Variants in EFNA5 observed in about 807,000 individuals in gnomAD.
The protein encoded by EFNA5 is ephrin-A5.
In EFNA5, 5 loss-of-function variants were observed where a neutral mutation model predicts 22.9. The observed-to-expected ratio is 0.22, with a 90% confidence interval of 0.11 to 0.46. The LOEUF is 0.46. EFNA5 is among the 20% of genes least tolerant of loss of function. EFNA5 has a pLI of 0.99. For missense variants in EFNA5, 237 were observed against 293.3 expected (o/e 0.81, Z 1.40); for synonymous variants, 113 against 112.2 (o/e 1.01, Z -0.04).
At chr5:107,512,012 G>A (rs752699853) in intron 1 of EFNA5, among the ~76,000 whole-genome samples, 7 of 152,188 alleles carry the variant, frequency 4.6e-5, no homozygotes, top group African/African-American at 1.7e-4. Flanking sequence ...CCCAAAAGGT[G>A]CATTTTGAGA....
intron 1 of EFNA5, among the ~76,000 whole-genome samples, chr5:107,653,349 T>C (rs973785181): frequency 6.6e-6 from 1 of 152,142 alleles, no homozygotes; most frequent in Non-Finnish European, 1.5e-5. Context: ...GCTGGCTTTG[T>C]AGTCAGCTTC....
chr5:107,453,055 C>A (rs1749601848), intron 1 of EFNA5, among the ~76,000 whole-genome samples: 1 of 152,006 alleles, frequency 6.6e-6, no homozygotes, highest in Admixed American at 6.6e-5. Context: ...TCTATTTGAT[C>A]TTCTGGCTTC....
In EFNA5 at chr5:107,445,835, T is replaced by C. The variant is rs183225426; in HGVS notation, c.126-18326A>G. Among the ~76,000 whole-genome samples the C allele has an allele frequency of 1.1e-3, 174 of 152,380 alleles. 1 individual carries two copies. The highest frequency in any genetic ancestry group is 3.3e-3 in the African/African-American group (138 of 41,594). ...TGGCACCTGGCTTTTTCAGCACATA[T>C]GGTACATAAAGTTTGTTAATGTCTG... is the stretch of plus-strand genomic sequence containing the variant. On this transcript the variant is annotated intron_variant, in intron 1 of 4. Transcript: ENST00000333274.
intron 2 of EFNA5, among the ~76,000 whole-genome samples, chr5:107,418,778 T>C (rs1427008480): frequency 6.6e-6 from 1 of 152,220 alleles, no homozygotes; most frequent in East Asian, 1.9e-4. Flanking sequence ...AGGCTCCTTT[T>C]GCAAACTTTC....
chr5:107,402,198 T>C, intron 2 of EFNA5, among the ~76,000 whole-genome samples: 1 of 152,122 alleles, frequency 6.6e-6, no homozygotes. Flanking sequence ...ATGTCTGCAT[T>C]AAAACAACAT....
At chr5:107,526,409 AAC>A (rs1747696970) in intron 1 of EFNA5, among the ~76,000 whole-genome samples, 1 of 152,196 alleles carries the variant, frequency 6.6e-6, no homozygotes, top group African/African-American at 2.4e-5. Flanking sequence ...TTCTTCCTGA[AAC>A]CAGGGCTGGG....
At chr5:107,578,394 C>T (rs972637214) in intron 1 of EFNA5, among the ~76,000 whole-genome samples, 4 of 152,040 alleles carry the variant, frequency 2.6e-5, no homozygotes, top group African/African-American at 9.7e-5. Context: ...GGGGTGGTTT[C>T]GGGCAAGGAG....
At chr5:107,431,156 T>C (rs917572841) in intron 1 of EFNA5, among the ~76,000 whole-genome samples, 3 of 152,202 alleles carry the variant, frequency 2.0e-5, no homozygotes, top group African/African-American at 7.2e-5. Flanking sequence ...ACACTTTTGT[T>C]TCAGATCTTA....
At chr5:107,401,032 A>G (rs149816352) in intron 2 of EFNA5, among the ~76,000 whole-genome samples, 1 of 152,366 alleles carries the variant, frequency 6.6e-6, no homozygotes, top group Non-Finnish European at 1.5e-5. Context: ...TAAATAAATC[A>G]ATGATGCATT....
chr5:107,496,153 C>A (rs1320062510), intron 1 of EFNA5, among the ~76,000 whole-genome samples: 1 of 144,216 alleles, frequency 6.9e-6, no homozygotes, highest in African/African-American at 2.6e-5. Context: ...TGGTGAAACC[C>A]CTGTCTCTGC....
At chr5:107,476,556 AT>A (rs1409197108) in intron 1 of EFNA5, among the ~76,000 whole-genome samples, 1 of 152,118 alleles carries the variant, frequency 6.6e-6, no homozygotes, top group Non-Finnish European at 1.5e-5. Context: ...TATAAAACAA[AT>A]GAAAATGACC....
chr5:107,465,755 G>A lies in EFNA5; in HGVS notation c.126-38246C>T, dbSNP rs564604183. ...GCAGAGATGTTCCCTCATTTTAAAT[G>A]TACTGCCATGGTGTCTTAGTATATC... is the stretch of plus-strand genomic sequence containing the variant. On this transcript the variant is annotated intron_variant, in intron 1 of 4. Transcript: ENST00000333274. 4.6e-5 allele frequency among the ~76,000 whole-genome samples: 7 copies of A among 152,118 alleles called. 1 individual carries two copies. Among genetic ancestry groups the A allele is most frequent in the Admixed American group, 1.3e-4 (2 of 15,260 alleles).
intron 2 of EFNA5, among the ~76,000 whole-genome samples, chr5:107,416,766 T>C (rs961177515): frequency 1.3e-5 from 2 of 152,290 alleles, no homozygotes; most frequent in Admixed American, 6.5e-5. Context: ...CTCTAAGCAA[T>C]ATACTAAAAG....
chr5:107,515,297 A>G (rs1016198450), intron 1 of EFNA5, among the ~76,000 whole-genome samples: 1 of 151,612 alleles, frequency 6.6e-6, no homozygotes, highest in African/African-American at 2.4e-5. Context: ...TCAGCCTCCC[A>G]AAGTGCTGGG....
chr5:107,554,504 C>T (rs1287372381), intron 1 of EFNA5, among the ~76,000 whole-genome samples: 1 of 151,888 alleles, frequency 6.6e-6, no homozygotes, highest in Non-Finnish European at 1.5e-5. Context: ...CAAAAACATA[C>T]CAATAATAAG....
intron 1 of EFNA5, among the ~76,000 whole-genome samples, chr5:107,598,466 G>C (rs1215272977): frequency 2.0e-5 from 3 of 147,700 alleles, no homozygotes; most frequent in Non-Finnish European, 2.9e-5. Context: ...GAAAAATCAA[G>C]GTTCATAGTG....
intron 1 of EFNA5, among the ~76,000 whole-genome samples, chr5:107,486,391 G>A (rs1200878102): frequency 6.6e-6 from 1 of 152,080 alleles, no homozygotes; most frequent in Non-Finnish European, 1.5e-5. Context: ...GGTAGCTAGA[G>A]AAACAAGACA....
chr5:107,610,210 G>C (rs1174574998), intron 1 of EFNA5, among the ~76,000 whole-genome samples: 1 of 152,212 alleles, frequency 6.6e-6, no homozygotes, highest in Non-Finnish European at 1.5e-5. Context: ...TCAGGTCACA[G>C]GGAAATTACA....
intron 2 of EFNA5, among the ~76,000 whole-genome samples, chr5:107,410,020 TTC>T (rs1371686449): frequency 1.0e-4 from 13 of 126,362 alleles, no homozygotes; most frequent in African/African-American, 3.6e-4. Flanking sequence ...AGTGACATGA[TTC>T]TTTTTTTTTT....
Sources: allele counts gnomAD v4.1 joint callset (sites outside exome capture counted in the v4.1 genomes callset), GRCh38; gene constraint gnomAD v4.1.1; transcripts MANE v1.5; gene names NCBI Gene and HGNC (gene_info 2026-07-23, HGNC 2026-07-21).